SDK1: variants seen among roughly 807,000 people sequenced by gnomAD.
The protein encoded by SDK1 is sidekick cell adhesion molecule 1.
In SDK1, 157 loss-of-function variants were observed where a neutral mutation model predicts 245.5. The observed-to-expected ratio is 0.64, with a 90% CI of 0.56 to 0.73. SDK1 has a LOEUF of 0.73. Among genes scored for constraint, SDK1 ranks in the 30% least tolerant of loss-of-function variants. The pLI, the probability that SDK1 is intolerant of heterozygous loss-of-function variation, is 0.00. For missense variants in SDK1, 3,583 were observed against 3,002.3 expected (o/e 1.19, Z -4.52); for synonymous variants, 1,647 against 1,278.5 (o/e 1.29, Z -6.15).
At chr7:3,458,299 T>C (rs1451597449) in intron 1 of SDK1, among the ~76,000 whole-genome samples, 1 of 152,160 alleles carries the variant, frequency 6.6e-6, no homozygotes, top group East Asian at 1.9e-4. Flanking sequence ...CTTTTCTCTT[T>C]CTGAAATTCA....
rs10269925 is a variant in SDK1 at position 3,747,141 on chromosome 7, T to C, written c.714-74309T>C. Among the ~76,000 whole-genome samples the C allele has an allele frequency of 9.4e-3, 1,437 of 152,190 alleles. 23 individuals are homozygous for C. Among genetic ancestry groups the C allele is most frequent in the African/African-American group, 0.033 (1,390 of 41,516 alleles). On this transcript the variant is annotated intron_variant, in intron 4 of 44. Coordinates refer to ENST00000404826, the MANE Select transcript of SDK1 (RefSeq NM_152744.4). ...TGATGTAATATATAAATTAGGAAAC[T>C]AGGAGAGAAAAATCCAGGCATGATA...
chr7:3,319,289 C>T (rs1779736255), intron 1 of SDK1, among the ~76,000 whole-genome samples: 1 of 152,154 alleles, frequency 6.6e-6, no homozygotes, highest in Admixed American at 6.5e-5. Flanking sequence ...GGATGGCTCT[C>T]ATTTGACACA....
chr7:4,084,757 T>G (rs938682274), intron 22 of SDK1, among the ~76,000 whole-genome samples: 14 of 136,508 alleles, frequency 1.0e-4, no homozygotes, highest in African/African-American at 4.9e-4. Flanking sequence ...ATATTTTATT[T>G]TATTTTATTT....
At chr7:3,812,063 C>T (rs889336749) in intron 4 of SDK1, among the ~76,000 whole-genome samples, 13 of 152,184 alleles carry the variant, frequency 8.5e-5, no homozygotes, top group African/African-American at 2.7e-4. Context: ...CAGCTCTTGC[C>T]AGTAAGATAT....
intron 1 of SDK1, among the ~76,000 whole-genome samples, chr7:3,321,186 T>G (rs945360229): frequency 1.8e-4 from 27 of 152,174 alleles, no homozygotes; most frequent in Non-Finnish European, 2.2e-4. Flanking sequence ...CTTTAAAAAA[T>G]TCACAAGCAA....
At chr7:3,335,599 A>G (rs926712706) in intron 1 of SDK1, among the ~76,000 whole-genome samples, 1 of 152,194 alleles carries the variant, frequency 6.6e-6, no homozygotes. Context: ...AGATTGAAGG[A>G]TAAGAGGGTC....
At chr7:3,538,764 G>A (rs925107429) in intron 1 of SDK1, among the ~76,000 whole-genome samples, 19 of 152,158 alleles carry the variant, frequency 1.2e-4, no homozygotes, top group African/African-American at 4.3e-4. Flanking sequence ...CTGGAGTGGG[G>A]GCAGAAAGGC....
chr7:3,411,581 A>T (rs1779203979), intron 1 of SDK1, among the ~76,000 whole-genome samples: 1 of 152,152 alleles, frequency 6.6e-6, no homozygotes, highest in Non-Finnish European at 1.5e-5. Context: ...TATCTTATGG[A>T]TCTGTGATAC....
chr7:3,871,043 C>T (rs1293456807), intron 5 of SDK1, among the ~76,000 whole-genome samples: 4 of 152,164 alleles, frequency 2.6e-5, no homozygotes. Flanking sequence ...ACATGCTGTA[C>T]CTCTCTGTTT....
chr7:3,952,088 A>G, intron 7 of SDK1, 168 bp downstream of exon 7: 4 of 627,714 alleles, frequency 6.4e-6, no homozygotes, highest in South Asian at 2.0e-5. Flanking sequence ...TTTCCCAAGA[A>G]TATAAGTCCA....
In SDK1 at chr7:3,844,173, G is replaced by A. The variant is rs565933526; in HGVS notation, c.847+22590G>A. ...TTTAGTTGAGGTGGAATTTCACCACGTTGGCCAGACTGGTCTTGAGCTCCT... is the reference window on the plus strand; with the variant it reads ...TTTAGTTGAGGTGGAATTTCACCACATTGGCCAGACTGGTCTTGAGCTCCT... On this transcript the variant is annotated intron_variant, in intron 5 of 44. Coordinates refer to ENST00000404826, the MANE Select transcript of SDK1 (RefSeq NM_152744.4). Among the ~76,000 whole-genome samples, 14 of 152,262 alleles carry A rather than the reference G, an allele frequency of 9.2e-5. 1 individual carries two copies. In the East Asian group the frequency reaches 2.7e-3, roughly 29 times the overall value.
chr7:3,884,384 G>A (rs531372967), intron 5 of SDK1, among the ~76,000 whole-genome samples: 19 of 152,260 alleles, frequency 1.2e-4, no homozygotes, highest in Non-Finnish European at 1.9e-4. Context: ...AACTCAGTGC[G>A]CGGGAAGTTG....
chr7:3,544,757 C>G (rs750786062), intron 1 of SDK1, among the ~76,000 whole-genome samples: 3 of 152,298 alleles, frequency 2.0e-5, no homozygotes, highest in Admixed American at 1.3e-4. Context: ...ACAGCACTTA[C>G]CAACCAAGAA....
intron 16 of SDK1, among the ~76,000 whole-genome samples, chr7:4,013,955 G>A (rs903712570): frequency 7.2e-5 from 11 of 152,216 alleles, no homozygotes; most frequent in African/African-American, 2.2e-4. Flanking sequence ...GACCACCTCC[G>A]CTCCAGAAAA....
chr7:3,653,400 A>G (rs1783068085), intron 4 of SDK1, among the ~76,000 whole-genome samples: 1 of 152,052 alleles, frequency 6.6e-6, no homozygotes, highest in South Asian at 2.1e-4. Flanking sequence ...GGGATTGACA[A>G]GGTTTAGGGA....
At chr7:3,393,263 C>T (rs544079603) in intron 1 of SDK1, among the ~76,000 whole-genome samples, 1 of 152,178 alleles carries the variant, frequency 6.6e-6, no homozygotes, top group South Asian at 2.1e-4. Context: ...TAAGCCACCA[C>T]ACCCGGCCCC....
chr7:3,543,845 T>G (rs1306112944), intron 1 of SDK1, among the ~76,000 whole-genome samples: 2 of 152,226 alleles, frequency 1.3e-5, no homozygotes, highest in Non-Finnish European at 1.5e-5. Flanking sequence ...AACTTCTTAG[T>G]GACTTCAGAA....
intron 4 of SDK1, among the ~76,000 whole-genome samples, chr7:3,816,050 G>T (rs1779500796): frequency 7.1e-6 from 1 of 141,266 alleles, no homozygotes; most frequent in Non-Finnish European, 1.5e-5. Context: ...AAACCAACGA[G>T]AACAAAGACA....
At chr7:3,893,794 A>G (rs1781522919) in intron 5 of SDK1, among the ~76,000 whole-genome samples, 1 of 151,334 alleles carries the variant, frequency 6.6e-6, no homozygotes, top group African/African-American at 2.4e-5. Flanking sequence ...GGTGATGGTG[A>G]TTTCGTGATC....
Sources: gnomAD v4.1 joint callset for allele counts (sites outside exome capture counted in the v4.1 genomes callset) on GRCh38, gnomAD v4.1.1 for gene constraint, MANE v1.5 for transcripts, NCBI Gene and HGNC (gene_info 2026-07-23, HGNC 2026-07-21) for gene names.